SUCLG2: variants seen among roughly 807,000 people sequenced by gnomAD.
SUCLG2 encodes succinate--CoA ligase [GDP-forming] subunit beta, mitochondrial.
In SUCLG2, 42 loss-of-function variants were observed where a neutral mutation model predicts 47.9. That is an observed-to-expected ratio of 0.88 (90% CI 0.69 to 1.14). SUCLG2 has a LOEUF of 1.14. Among genes scored for constraint, SUCLG2 ranks in the 50% most tolerant of loss-of-function variants. The pLI is 0.00. For synonymous variants in SUCLG2, 195 were observed against 197.3 expected (o/e 0.99, Z 0.10); for missense variants, 571 against 525.9 (o/e 1.09, Z -0.84).
chr3:67,365,644 A>G (rs1559632863), intron 10 of SUCLG2, among the ~76,000 whole-genome samples: 1 of 152,238 alleles, frequency 6.6e-6, no homozygotes, highest in African/African-American at 2.4e-5. Flanking sequence ...TCTAACATGT[A>G]TGACTAAGCA....
chr3:67,649,358 A>T (rs1260304991), intron 1 of SUCLG2, among the ~76,000 whole-genome samples: 1 of 152,204 alleles, frequency 6.6e-6, no homozygotes, highest in East Asian at 1.9e-4. Context: ...AGTCATATTT[A>T]TCTGCCCAAC....
In SUCLG2 at chr3:67,554,193, C is replaced by T. The variant is rs150904847; in HGVS notation, c.227-25007G>A. 3.0e-3 allele frequency among the ~76,000 whole-genome samples: 456 copies of T among 152,274 alleles called. 2 individuals are homozygous for T. The highest frequency in any genetic ancestry group is 9.9e-3 in the African/African-American group (411 of 41,558). Reference sequence around the variant, plus strand: ...TACAGAGTGATCTCAAAGATGGCATCCCGGGGTTCCCTCAGGATGTGCTAC... The same window carrying T: ...TACAGAGTGATCTCAAAGATGGCATTCCGGGGTTCCCTCAGGATGTGCTAC... On this transcript the variant is annotated intron_variant, in intron 2 of 10. Transcript: ENST00000307227.
chr3:67,428,185 C>T (rs1703358199), intron 9 of SUCLG2, among the ~76,000 whole-genome samples: 1 of 152,216 alleles, frequency 6.6e-6, no homozygotes, highest in Non-Finnish European at 1.5e-5. Flanking sequence ...AACTGGGAGG[C>T]ACCTCCCAGT....
Position 67,419,659 on chromosome 3 carries a change from A to C in SUCLG2, c.1063-18808T>G, listed in dbSNP as rs147648420. ...ATGTTGATTTGACCCCCAATTTATG[A>C]CAGTATGATATGAAATTTCCTCCTC... On this transcript the variant is annotated intron_variant, in intron 9 of 10. Coordinates refer to ENST00000307227, the MANE Select transcript of SUCLG2 (RefSeq NM_003848.4). Among the ~76,000 whole-genome samples the C allele has an allele frequency of 5.1e-3, 771 of 152,256 alleles. 5 individuals carry two copies. Among genetic ancestry groups the C allele is most frequent in the East Asian group, 0.046 (237 of 5,178 alleles).
At position 67,590,213 on chromosome 3, in the gene SUCLG2, T is replaced by C. The variant is rs562764029; in HGVS notation, c.226+19242A>G. ...TTATGTGAAGAACAATACATACAAA[T>C]AAAAAACATAATTTTAAAATATTTC... On this transcript the variant is annotated intron_variant, in intron 2 of 10. Transcript: ENST00000307227. Among the ~76,000 whole-genome samples, 100 of 152,258 alleles carry C rather than the reference T, an allele frequency of 6.6e-4. 1 individual carries two copies. The highest frequency in any genetic ancestry group is 2.3e-3 in the African/African-American group (97 of 41,556).
intron 9 of SUCLG2, among the ~76,000 whole-genome samples, chr3:67,427,683 G>A (rs987577387): frequency 2.0e-5 from 3 of 152,326 alleles, no homozygotes; most frequent in Middle Eastern, 3.4e-3. Flanking sequence ...CACCTGAGAA[G>A]CACAAAGGGT....
intron 9 of SUCLG2, among the ~76,000 whole-genome samples, chr3:67,492,855 C>T (rs1487625261): frequency 6.6e-6 from 1 of 152,132 alleles, no homozygotes; most frequent in Non-Finnish European, 1.5e-5. Context: ...AGCAAAATAA[C>T]TAAAATTTTC....
In SUCLG2 at chr3:67,431,818, C is replaced by T. The variant is rs543519347; in HGVS notation, c.1063-30967G>A. ...TGAGTTAATGGGTGCAGCAAGCCAA[C>T]ATGGCACATGTATACATGTAACAAA... On this transcript the variant is annotated intron_variant, in intron 9 of 10. Coordinates refer to ENST00000307227, the MANE Select transcript of SUCLG2 (RefSeq NM_003848.4). Among the ~76,000 whole-genome samples, 5 of 152,244 alleles carry T rather than the reference C, an allele frequency of 3.3e-5. No homozygotes were observed. In the South Asian group the frequency reaches 1.0e-3, roughly 32 times the overall value.
chr3:67,497,443 A>T (rs1293308036), intron 8 of SUCLG2, among the ~76,000 whole-genome samples: 1 of 152,188 alleles, frequency 6.6e-6, no homozygotes, highest in Non-Finnish European at 1.5e-5. Flanking sequence ...TTCTACAGAC[A>T]TTCTTATCTC....
At chr3:67,648,202 T>A (rs187138193) in intron 1 of SUCLG2, among the ~76,000 whole-genome samples, 50 of 152,326 alleles carry the variant, frequency 3.3e-4, no homozygotes, top group African/African-American at 1.2e-3. Flanking sequence ...AGAAAGAACA[T>A]GGGAGATCCC....
At chr3:67,488,087 A>C (rs1267043747) in intron 9 of SUCLG2, among the ~76,000 whole-genome samples, 1 of 152,016 alleles carries the variant, frequency 6.6e-6, no homozygotes, top group African/African-American at 2.4e-5. Flanking sequence ...ATATAAGTCT[A>C]GTTTTGTCAA....
chr3:67,596,328 T>C (rs1358141325), intron 2 of SUCLG2, among the ~76,000 whole-genome samples: 1 of 152,184 alleles, frequency 6.6e-6, no homozygotes, highest in African/African-American at 2.4e-5. Flanking sequence ...AATTGCCAAC[T>C]TCCTGCCAAT....
At chr3:67,568,717 C>T (rs1048732068) in intron 2 of SUCLG2, among the ~76,000 whole-genome samples, 3 of 152,080 alleles carry the variant, frequency 2.0e-5, no homozygotes, top group African/African-American at 4.8e-5. Flanking sequence ...GAAGCCCCAT[C>T]TCTACTAAAA....
chr3:67,488,111 A>G (rs953070169), intron 9 of SUCLG2, among the ~76,000 whole-genome samples: 2 of 151,656 alleles, frequency 1.3e-5, no homozygotes, highest in Non-Finnish European at 2.9e-5. Flanking sequence ...TAGTGTGTGT[A>G]TATATATATA....
At chr3:67,444,052 A>T in intron 9 of SUCLG2, among the ~76,000 whole-genome samples, 1 of 109,060 alleles carries the variant, frequency 9.2e-6, no homozygotes. Context: ...CCCGTCCGGG[A>T]GGGAGGTGGA....
intron 1 of SUCLG2, among the ~76,000 whole-genome samples, chr3:67,644,996 A>G (rs1701166264): frequency 6.6e-6 from 1 of 152,160 alleles, no homozygotes; most frequent in Non-Finnish European, 1.5e-5. Context: ...AAATAGATTC[A>G]TCCTGTAGCA....
chr3:67,623,408 G>A (rs1232492732), intron 1 of SUCLG2, among the ~76,000 whole-genome samples: 1 of 152,194 alleles, frequency 6.6e-6, no homozygotes, highest in Non-Finnish European at 1.5e-5. Context: ...GGCTGAGGCA[G>A]GAGAATGGCG....
chr3:67,578,774 A>T (rs1353649822), intron 2 of SUCLG2, among the ~76,000 whole-genome samples: 2 of 151,808 alleles, frequency 1.3e-5, no homozygotes, highest in African/African-American at 4.8e-5. Flanking sequence ...GCTTTTTCTG[A>T]CTCCCTTCTC....
chr3:67,521,086 G>C (rs536239435), intron 4 of SUCLG2, among the ~76,000 whole-genome samples: 13 of 152,290 alleles, frequency 8.5e-5, no homozygotes, highest in African/African-American at 2.4e-4. Context: ...TCATATGTTT[G>C]TGTATTTCTG....
Sources: gnomAD v4.1 joint callset for allele counts (sites outside exome capture counted in the v4.1 genomes callset) on GRCh38, gnomAD v4.1.1 for gene constraint, MANE v1.5 for transcripts, NCBI Gene and HGNC (gene_info 2026-07-23, HGNC 2026-07-21) for gene names.